The following PHF2 variants were observed in gnomAD, a reference collection of about 807,000 sequenced individuals.
The protein encoded by PHF2 is lysine-specific demethylase PHF2.
A neutral mutation model predicts 120.5 loss-of-function variants in PHF2; 27 were observed. That is an observed-to-expected ratio of 0.22 (90% CI 0.17 to 0.31). The LOEUF is 0.31. Among genes scored for constraint, PHF2 ranks in the 10% least tolerant of loss-of-function variants. The pLI is 1.00. For missense variants in PHF2, 1,024 were observed against 1,434.8 expected (o/e 0.71, Z 4.63); for synonymous variants, 568 against 592.5 (o/e 0.96, Z 0.60).
rs55647503 is a variant in PHF2, at chr9:93,627,492, A to ATTTTTTTTTTTTTTTTTTTTTTT, written c.99-2462_99-2461insTTTTTTTTTTTTTTTTTTTTTTT. On this transcript the variant is annotated intron_variant, in intron 1 of 21. Coordinates refer to ENST00000359246, the MANE Select transcript of PHF2 (RefSeq NM_005392.4). Reference sequence around the variant, plus strand: ...CAATTCAGACTCCTTTTATTTCAGGATTTTTTTTTTTTTTTTGTCTAATTG... The same window carrying ATTTTTTTTTTTTTTTTTTTTTTT: ...CAATTCAGACTCCTTTTATTTCAGGATTTTTTTTTTTTTTTTTTTTTTTTTTTTTTTTTTTTTTTGTCTAATTG... 1.8e-3 allele frequency among the ~76,000 whole-genome samples: 194 copies of ATTTTTTTTTTTTTTTTTTTTTTT among 108,074 alleles called. 3 individuals are homozygous for ATTTTTTTTTTTTTTTTTTTTTTT. The highest frequency in any genetic ancestry group is 5.6e-3 in the Middle Eastern group (1 of 178). The allele number at this position is 108,074 out of a possible 152,430, so 70.9% of individuals were successfully genotyped here.
intron 1 of PHF2, among the ~76,000 whole-genome samples, chr9:93,614,991 G>C (rs117655701): frequency 0.018 from 2,778 of 151,414 alleles, 74 homozygotes; most frequent in East Asian, 0.1. Context: ...TGGTGATGAT[G>C]ATGATGGTGA....
chr9:93,675,117 C>G, intron 19 of PHF2, 95 bp downstream of exon 19: 2 of 975,676 alleles, frequency 2.0e-6, no homozygotes, highest in Admixed American at 1.9e-5. Flanking sequence ...AATGTGGGCT[C>G]AGCTCTGCAC....
At chr9:93,591,491 G>A (rs1171639169) in intron 1 of PHF2, among the ~76,000 whole-genome samples, 1 of 152,222 alleles carries the variant, frequency 6.6e-6, no homozygotes, top group Non-Finnish European at 1.5e-5. Flanking sequence ...GTCTCAGGGA[G>A]CAAGCCTCTT....
rs775227579 is a variant in PHF2, at chr9:93,660,455, G to A, written c.1593G>A (p.Gly531=). The A allele has an allele frequency of 8.9e-6, 14 of 1,580,938 alleles. No individual in the cohort carries two copies. The African/African-American group carries it at 1.8e-4, about 20-fold the overall frequency. ...LKLKDGGKKK[G]KKSRESASPT... ...TCAAAGATGGAGGCAAGAAGAAAGG[G>A]AAGAAGTCCCGGGAGTCAGCCTCAC... Residue 531 remains glycine (G), a synonymous_variant, in exon 12 of 22, where the codon GGG becomes GGA. Coordinates refer to ENST00000359246, the MANE Select transcript of PHF2 (RefSeq NM_005392.4).
rs766491508 is a variant in PHF2, at chr9:93,653,204, G to A, written c.628G>A (p.Asp210Asn). 41 of 1,614,154 alleles carry A rather than the reference G, an allele frequency of 2.5e-5. No homozygotes were observed. The highest frequency in any genetic ancestry group is 1.7e-4 in the Middle Eastern group (1 of 6,060). Residue 210 changes from aspartate (D) to asparagine (N), a missense_variant, in exon 6 of 22, where the codon GAC becomes AAC. Around this residue, in one of 2 missense-constraint regions of PHF2, gnomAD observed 347 missense variants for 577.4 expected, o/e 0.60. Transcript: ENST00000359246. The stretch of plus-strand genomic sequence containing the variant: ...AATGTCCAGCTTCGTGGAGCCACCT[G>A]ACATTGTAAAGAAACTGTCATGGGT... The part of the protein sequence containing the change: ...TRMSSFVEPP[D>N]IVKKLSWVEN...
At chr9:93,593,105 A>AAAAAAAAAAAGG (rs1554790887) in intron 1 of PHF2, among the ~76,000 whole-genome samples, 2 of 122,706 alleles carry the variant, frequency 1.6e-5, no homozygotes, top group African/African-American at 3.3e-5. Context: ...AAAAAAAAAA[A>AAAAAAAAAAAGG]AAAAAAGAAA....
intron 5 of PHF2, among the ~76,000 whole-genome samples, chr9:93,649,643 C>A (rs1826327643): frequency 6.6e-6 from 1 of 151,398 alleles, no homozygotes; most frequent in South Asian, 2.1e-4. Context: ...CACGCTTACT[C>A]ATGGACACAC....
At position 93,655,967 on chromosome 9, in the gene PHF2, G is replaced by C. The variant is rs1296083933; in HGVS notation, c.986G>C (p.Cys329Ser). The C allele has an allele frequency of 6.2e-7, 1 of 1,612,940 alleles. No homozygotes were observed. The highest frequency in any genetic ancestry group is 1.7e-5 in the Admixed American group (1 of 59,984). The change falls in exon 8 of 22, where the codon TGC becomes TCC. Residue 329 changes from cysteine (C) to serine (S), a missense_variant. This residue lies in a region of PHF2 where 347 missense variants were observed against 577.4 expected (regional missense o/e 0.60). Transcript: ENST00000359246. Reference sequence around the variant, plus strand: ...TACGCCACACTCACCCCTGTGGACTGCCTGGCCTTCGCGGGACATTTCCTC... The same window carrying C: ...TACGCCACACTCACCCCTGTGGACTCCCTGGCCTTCGCGGGACATTTCCTC... Reference protein sequence around the residue: ...WIYATLTPVDCLAFAGHFLHS... With the variant: ...WIYATLTPVDSLAFAGHFLHS...
intron 3 of PHF2, among the ~76,000 whole-genome samples, chr9:93,639,318 ATTC>A (rs796203427): frequency 2.0e-5 from 3 of 152,190 alleles, no homozygotes; most frequent in African/African-American, 7.2e-5. Flanking sequence ...GAAGTATTTT[ATTC>A]TTTTTGGTGC....
At chr9:93,576,903 G>C (rs2131590790) in intron 1 of PHF2, 32 bp downstream of exon 1, 1 of 899,948 alleles carries the variant, frequency 1.1e-6, no homozygotes, top group Non-Finnish European at 1.4e-6. Flanking sequence ...GGCTCGGCCC[G>C]GCCCGGCCCG....
At chr9:93,671,049 G>C in intron 17 of PHF2, 1 of 980,092 alleles carries the variant, frequency 1.0e-6, no homozygotes, top group Non-Finnish European at 1.2e-6. Flanking sequence ...GGGGGTAGGT[G>C]CAGGTGTAGA....
At chr9:93,670,975 G>A (rs949685749) in intron 17 of PHF2, 1 of 979,228 alleles carries the variant, frequency 1.0e-6, no homozygotes, top group Non-Finnish European at 1.2e-6. Context: ...CTGAGCTGAG[G>A]TGCAGCTGTG....
intron 1 of PHF2, among the ~76,000 whole-genome samples, chr9:93,627,492 A>AGTTTTTTTTTTTTTTTTTTTTT: frequency 9.2e-6 from 1 of 108,176 alleles, no homozygotes; most frequent in Admixed American, 9.8e-5. Context: ...TTATTTCAGG[A>AGTTTTTTTTTTTTTTTTTTTTT]TTTTTTTTTT....
chr9:93,577,160 A>C (rs1564368953), intron 1 of PHF2, among the ~76,000 whole-genome samples: 1 of 147,626 alleles, frequency 6.8e-6, no homozygotes, highest in Admixed American at 6.7e-5. Context: ...GGGCGCGGGG[A>C]AGTTGGGGCT....
Position 93,630,026 on chromosome 9 carries a change from A to C in PHF2, c.155A>C (p.Asn52Thr). Residue 52 changes from asparagine to threonine, a missense_variant, in exon 2 of 22, where the codon AAC becomes ACC. Physicochemically the swap from Asn to Thr is moderately conservative, Grantham distance 65 (BLOSUM62 0). Transcript: ENST00000359246. Reference sequence around the variant, plus strand: ...GACATCGACATATACCACTGCCCAAACTGTGAGAAAACCCATGGGAAGTCC... The same window carrying C: ...GACATCGACATATACCACTGCCCAACCTGTGAGAAAACCCATGGGAAGTCC... ...APDIDIYHCP[N>T]CEKTHGKSTL... 1.9e-6 allele frequency: 3 copies of C among 1,613,660 alleles called. No individual in the cohort carries two copies. The highest frequency in any genetic ancestry group is 2.5e-6 in the Non-Finnish European group (3 of 1,180,028).
rs540288647 is a variant in PHF2 at position 93,588,321 on chromosome 9, G to A, written c.98+11450G>A. Among the ~76,000 whole-genome samples the A allele has an allele frequency of 3.3e-5, 5 of 152,320 alleles. No individual in the cohort carries two copies. In the East Asian group the frequency reaches 7.7e-4, roughly 24 times the overall value. ...GTTGTGTTGGGGACCATGGGACTGC[G>A]GGATAGAGGGGAGCAGCTCCAGGTG... On this transcript the variant is annotated intron_variant, in intron 1 of 21. Transcript: ENST00000359246.
rs116324964 is a variant in PHF2, at chr9:93,650,424, G to A, written c.602+1212G>A. Among the ~76,000 whole-genome samples the A allele has an allele frequency of 3.9e-3, 598 of 152,220 alleles. 6 individuals carry two copies. The highest frequency in any genetic ancestry group is 0.014 in the African/African-American group (584 of 41,540). On this transcript the variant is annotated intron_variant, in intron 5 of 21. Coordinates refer to ENST00000359246, the MANE Select transcript of PHF2 (RefSeq NM_005392.4). ...CAGTTACTAACACCTGCACACACCC[G>A]TGTAGACGCCTACACTCACACACAT... is the stretch of plus-strand genomic sequence containing the variant.
At chr9:93,577,961 C>T (rs1396363457) in intron 1 of PHF2, among the ~76,000 whole-genome samples, 2 of 152,212 alleles carry the variant, frequency 1.3e-5, no homozygotes, top group East Asian at 3.9e-4. Context: ...AGTCCCAAAC[C>T]ACCGGCAGCA....
chr9:93,659,397 G>A (rs1826518773), intron 10 of PHF2, 114 bp from the exon 11 acceptor site: 6 of 801,174 alleles, frequency 7.5e-6, no homozygotes, highest in Middle Eastern at 2.4e-4. Context: ...GAAGCCCCTC[G>A]CCTCATGCTC....
Sources: gnomAD v4.1 joint callset for allele counts (sites outside exome capture counted in the v4.1 genomes callset) on GRCh38, gnomAD v4.1.1 for gene constraint, gnomAD v4.1.1 regional missense constraint, MANE v1.5 for transcripts, NCBI Gene and HGNC (gene_info 2026-07-23, HGNC 2026-07-21) for gene names.